The following GET1 variants were observed in gnomAD, a reference collection of about 807,000 sequenced individuals.
GET1 encodes congenital heart disease 5 protein.
A neutral mutation model predicts 22.6 loss-of-function variants in GET1; 20 were observed. That is an observed-to-expected ratio of 0.89 (90% CI 0.62 to 1.29). GET1 has a LOEUF of 1.29. Among genes scored for constraint, GET1 ranks in the 50% most tolerant of loss-of-function variants. The pLI is 0.00. For missense variants in GET1, 209 were observed against 219.9 expected, an observed-to-expected ratio of 0.95 and a Z score of 0.31; for synonymous variants, 92 against 83.8, an observed-to-expected ratio of 1.10 and a Z score of -0.53.
chr21:39,426,974 T>G (rs2074827214), intron 1 of GET1, among the ~76,000 whole-genome samples: 1 of 152,232 alleles, frequency 6.6e-6, no homozygotes, highest in Non-Finnish European at 1.5e-5. Flanking sequence ...TAGAATTTCA[T>G]GGGGTTCACA....
intron 4 of GET1, 95 bp downstream of exon 4, chr21:39,393,375 C>A: frequency 1.0e-6 from 1 of 996,394 alleles, no homozygotes; most frequent in Non-Finnish European, 1.5e-6. Context: ...TCCTCCTCAC[C>A]GTCCATTTAG....
intron 1 of GET1, among the ~76,000 whole-genome samples, chr21:39,427,459 G>C (rs980943774): frequency 6.6e-6 from 1 of 151,956 alleles, no homozygotes; most frequent in South Asian, 2.1e-4. Flanking sequence ...TCAGGAGATC[G>C]AGACCATCCT....
chr21:39,403,823 A>G (rs2038910593), intron 4 of GET1, among the ~76,000 whole-genome samples: 1 of 151,336 alleles, frequency 6.6e-6, no homozygotes, highest in Middle Eastern at 3.5e-3. Flanking sequence ...GGTTTCACCA[A>G]ATTGGTCAGG....
intron 1 of GET1, chr21:39,423,628 G>T: frequency 4.8e-6 from 3 of 626,480 alleles, no homozygotes; most frequent in Non-Finnish European, 7.5e-6. Context: ...AACTAGAAGG[G>T]GACAAAACTA....
chr21:39,412,799 C>A (rs78634661), intron 1 of GET1, among the ~76,000 whole-genome samples: 8 of 152,264 alleles, frequency 5.3e-5, no homozygotes, highest in African/African-American at 1.9e-4. Context: ...TCCCCCGCCG[C>A]CCCATTCATC....
chr21:39,391,115 G>A (rs1601621593), intron 2 of GET1: 1 of 304,576 alleles, frequency 3.3e-6, no homozygotes. Flanking sequence ...AAAATTTTAA[G>A]CTAACTCTTA....
chr21:39,410,498 T>C, downstream of GET1: 1 of 550,638 alleles, frequency 1.8e-6, no homozygotes, highest in Non-Finnish European at 3.1e-6. Flanking sequence ...ATTCAATATA[T>C]ATATAAGCAT....
chr21:39,396,252 G>A (rs939131360), intron 4 of GET1, among the ~76,000 whole-genome samples: 2 of 152,030 alleles, frequency 1.3e-5, no homozygotes, highest in Non-Finnish European at 2.9e-5. Context: ...AAAATTAGCC[G>A]GGTGTCGGCC....
intron 1 of GET1, among the ~76,000 whole-genome samples, chr21:39,388,730 C>G (rs1463222159): frequency 6.6e-6 from 1 of 152,180 alleles, no homozygotes; most frequent in Non-Finnish European, 1.5e-5. Flanking sequence ...CTAGGCCTTC[C>G]CGGCAGATCT....
At chr21:39,417,754 A>G (rs1234437426) in intron 1 of GET1, among the ~76,000 whole-genome samples, 1 of 151,762 alleles carries the variant, frequency 6.6e-6, no homozygotes, top group East Asian at 1.9e-4. Flanking sequence ...TTATTTATTT[A>G]TTTAATTTTT....
At chr21:39,413,123 TA>T (rs1159027440) in intron 1 of GET1, among the ~76,000 whole-genome samples, 2 of 152,142 alleles carry the variant, frequency 1.3e-5, no homozygotes, top group Non-Finnish European at 2.9e-5. Flanking sequence ...CCACATTCAG[TA>T]CACATCAGAC....
At chr21:39,383,102 C>T (rs957669994) in intron 1 of GET1, among the ~76,000 whole-genome samples, 1 of 151,500 alleles carries the variant, frequency 6.6e-6, no homozygotes, top group Non-Finnish European at 1.5e-5. Flanking sequence ...AGGTGCCCAC[C>T]ACCACCACAA....
At chr21:39,401,975 C>A (rs1332043581), downstream of GET1, among the ~76,000 whole-genome samples, 2 of 152,040 alleles carry the variant, frequency 1.3e-5, no homozygotes, top group African/African-American at 4.8e-5. Context: ...GCTCCCTATT[C>A]CTTAAGACAC....
intron 1 of GET1, among the ~76,000 whole-genome samples, chr21:39,426,268 C>A (rs2074686409): frequency 6.6e-6 from 1 of 152,124 alleles, no homozygotes; most frequent in South Asian, 2.1e-4. Context: ...CTGTATCCAT[C>A]ACGCATACTT....
At chr21:39,420,809 G>C (rs1303989571) in intron 1 of GET1, 2 of 1,612,670 alleles carry the variant, frequency 1.2e-6, no homozygotes, top group Non-Finnish European at 1.7e-6. Context: ...CCGGCTAAAG[G>C]CTCTGCAGTT....
chr21:39,402,289 G>C (rs1432753648), downstream of GET1, among the ~76,000 whole-genome samples: 2 of 152,156 alleles, frequency 1.3e-5, no homozygotes, highest in Non-Finnish European at 2.9e-5. Context: ...TTTTTAGTAA[G>C]AGACGGGGTT....
chr21:39,402,294 G>C (rs1173981660), downstream of GET1, among the ~76,000 whole-genome samples: 2 of 152,042 alleles, frequency 1.3e-5, no homozygotes, highest in African/African-American at 2.4e-5. Context: ...AGTAAGAGAC[G>C]GGGTTTCACC....
rs776879652 is a variant in GET1, at chr21:39,390,696, A to G, written c.103-2A>G. 5.0e-6 allele frequency: 8 copies of G among 1,614,098 alleles called. No homozygotes were observed. Among genetic ancestry groups the G allele is most frequent in the Non-Finnish European group, 6.8e-6 (8 of 1,179,970 alleles). On this transcript the variant is annotated splice_acceptor_variant, in intron 1 of 4. Coordinates refer to ENST00000649170, the MANE Select transcript of GET1 (RefSeq NM_004627.6). LOFTEE classifies it high-confidence loss of function. ...GCTGATCCCCGTTGTCCGCCCTGCC[A>G]GATGTCCAGGGTGCTGCAGAAGGAC... is the stretch of plus-strand genomic sequence containing the variant.
At chr21:39,400,836 C>T (rs1250421116), downstream of GET1, among the ~76,000 whole-genome samples, 2 of 151,990 alleles carry the variant, frequency 1.3e-5, no homozygotes, top group African/African-American at 4.8e-5. Flanking sequence ...TAGTTTTAGC[C>T]AATATTGTGG....
Sources: gnomAD v4.1 joint callset for allele counts (sites outside exome capture counted in the v4.1 genomes callset) on GRCh38, gnomAD v4.1.1 for gene constraint, MANE v1.5 for transcripts, NCBI Gene and HGNC (gene_info 2026-07-23, HGNC 2026-07-21) for gene names.